PRKN: variants seen among roughly 807,000 people sequenced by gnomAD.
The protein encoded by PRKN is parkin RBR E3 ubiquitin protein ligase.
A neutral mutation model predicts 59.5 loss-of-function variants in PRKN; 56 were observed. The ratio of observed to expected loss-of-function variants is 0.94; its 90% CI spans 0.76 to 1.18. The LOEUF (loss-of-function observed/expected upper bound fraction) is 1.18, where lower values mean the gene tolerates loss of function less well. Among genes scored for constraint, PRKN ranks in the 50% most tolerant of loss-of-function variants. The pLI is 0.00. For missense variants in PRKN, 657 were observed against 596.4 expected, an observed-to-expected ratio of 1.10 and a Z score of -1.06; for synonymous variants, 250 against 222.1, an observed-to-expected ratio of 1.13 and a Z score of -1.12.
intron 4 of PRKN, among the ~76,000 whole-genome samples, chr6:162,195,710 C>T (rs1562572783): frequency 6.6e-6 from 1 of 152,036 alleles, no homozygotes; most frequent in South Asian, 2.1e-4. Flanking sequence ...GAGGGGGTCA[C>T]CCAAAGTTCT....
intron 4 of PRKN, among the ~76,000 whole-genome samples, chr6:162,176,587 A>C (rs1783548762): frequency 7.2e-6 from 1 of 138,474 alleles, no homozygotes; most frequent in Admixed American, 7.7e-5. Flanking sequence ...GCCAATTAAA[A>C]GTTTTAAATG....
intron 1 of PRKN, among the ~76,000 whole-genome samples, chr6:162,626,466 C>T (rs1782899175): frequency 2.0e-5 from 3 of 152,102 alleles, no homozygotes; most frequent in Non-Finnish European, 2.9e-5. Flanking sequence ...ACTACTCTTA[C>T]ATTTCACAGA....
intron 2 of PRKN, among the ~76,000 whole-genome samples, chr6:162,354,511 A>G (rs184748923): frequency 5.7e-4 from 87 of 152,200 alleles, no homozygotes; most frequent in Non-Finnish European, 9.4e-4. Flanking sequence ...TTTAAAGTAT[A>G]CTTTAAAAAT....
intron 5 of PRKN, among the ~76,000 whole-genome samples, chr6:162,007,925 T>C (rs1039877659): frequency 3.3e-4 from 50 of 152,212 alleles, no homozygotes; most frequent in African/African-American, 1.1e-3. Context: ...TGAAAAGCTT[T>C]CATATTCAAC....
intron 4 of PRKN, among the ~76,000 whole-genome samples, chr6:162,054,726 T>C (rs1184224125): frequency 6.6e-6 from 1 of 152,170 alleles, no homozygotes; most frequent in Non-Finnish European, 1.5e-5. Flanking sequence ...GAAATAAAAA[T>C]TCAATAAAAG....
chr6:161,729,242 A>G (rs1787575757), intron 7 of PRKN, among the ~76,000 whole-genome samples: 1 of 152,318 alleles, frequency 6.6e-6, no homozygotes, highest in South Asian at 2.1e-4. Flanking sequence ...TAGACACTTC[A>G]ACTCTAATAA....
At chr6:161,846,026 G>A (rs143422179) in intron 6 of PRKN, among the ~76,000 whole-genome samples, 3 of 152,252 alleles carry the variant, frequency 2.0e-5, no homozygotes, top group African/African-American at 7.2e-5. Context: ...GTCTTTTGTT[G>A]CATCTTGCTG....
At chr6:161,609,080 G>A (rs1379489151) in intron 7 of PRKN, among the ~76,000 whole-genome samples, 1 of 152,136 alleles carries the variant, frequency 6.6e-6, no homozygotes, top group Non-Finnish European at 1.5e-5. Flanking sequence ...TGCTTGTTGA[G>A]AGCATGGTAT....
chr6:161,555,809 A>C (rs1780216323), intron 8 of PRKN, among the ~76,000 whole-genome samples: 1 of 152,224 alleles, frequency 6.6e-6, no homozygotes, highest in South Asian at 2.1e-4. Flanking sequence ...TGGACAGTAA[A>C]TAATTATAAA....
At chr6:161,416,611 C>G (rs1003227392) in intron 9 of PRKN, among the ~76,000 whole-genome samples, 1 of 152,146 alleles carries the variant, frequency 6.6e-6, no homozygotes, top group African/African-American at 2.4e-5. Flanking sequence ...TGACCCCCGA[C>G]CAGCCTCATC....
rs57908717 is a variant in PRKN at position 161,550,738 on chromosome 6, C to CGTGTGTGT, written c.934-1743_934-1736dup. Reference sequence around the variant, plus strand: ...AAGAAAGGGTATGTGTGTGTGTGCACGTGTGTGTGTGTGTGTGTGTGTGTA... The same window carrying CGTGTGTGT: ...AAGAAAGGGTATGTGTGTGTGTGCACGTGTGTGTGTGTGTGTGTGTGTGTGTGTGTGTA... On this transcript the variant is annotated intron_variant, in intron 8 of 11. Coordinates refer to ENST00000366898, the MANE Select transcript of PRKN (RefSeq NM_004562.3). The surrounding 1 kb of genome is among the most constrained non-coding windows in gnomAD (Gnocchi z 4.0). 0.024 allele frequency among the ~76,000 whole-genome samples: 3,527 copies of CGTGTGTGT among 146,284 alleles called. 143 individuals carry two copies. Among genetic ancestry groups the CGTGTGTGT allele is most frequent in the African/African-American group, 0.083 (3,206 of 38,736 alleles).
rs1294714815 is a variant in PRKN at position 161,378,771 on chromosome 6, G to C, written c.1167+8023C>G. On this transcript the variant is annotated intron_variant, in intron 10 of 11. Transcript: ENST00000366898. This position sits in a 1 kb window ranked among gnomAD's most constrained non-coding sequence, Gnocchi z 7.3. ...TGTGATGTGGGCGCTATCCTCTAAG[G>C]TGAGATTTACACTCTGAATCAACAA... Among the ~76,000 whole-genome samples, 1 of 152,146 alleles carries C rather than the reference G, an allele frequency of 6.6e-6. No homozygotes were observed. Among genetic ancestry groups the C allele is most frequent in the African/African-American group, 2.4e-5 (1 of 41,434 alleles).
chr6:161,492,105 G>A (rs983566052), intron 9 of PRKN, among the ~76,000 whole-genome samples: 8 of 152,036 alleles, frequency 5.3e-5, no homozygotes, highest in African/African-American at 1.9e-4. Flanking sequence ...TCGTTGTTGA[G>A]AACCAAATTA....
At chr6:161,762,784 AG>A (rs1789254886) in intron 7 of PRKN, among the ~76,000 whole-genome samples, 1 of 152,214 alleles carries the variant, frequency 6.6e-6, no homozygotes, top group African/African-American at 2.4e-5. Flanking sequence ...GCTACATTCT[AG>A]GCCACCATTG....
intron 6 of PRKN, among the ~76,000 whole-genome samples, chr6:161,886,672 G>C (rs1292612954): frequency 6.6e-6 from 1 of 150,456 alleles, no homozygotes; most frequent in Non-Finnish European, 1.5e-5. Context: ...ACTCTAGCCT[G>C]GGCAACAAGA....
intron 5 of PRKN, among the ~76,000 whole-genome samples, chr6:162,039,157 CAAA>C (rs1404634739): frequency 1.1e-5 from 1 of 89,630 alleles, no homozygotes. Context: ...CTCCATCTCA[CAAA>C]AAAAAAAAAA....
intron 2 of PRKN, among the ~76,000 whole-genome samples, chr6:162,308,976 T>TA (rs1320287145): frequency 6.6e-6 from 1 of 151,892 alleles, no homozygotes; most frequent in South Asian, 2.1e-4. Context: ...GAAATAAACA[T>TA]AAAAAAATGG....
chr6:162,510,928 C>A (rs879818149), intron 1 of PRKN, among the ~76,000 whole-genome samples: 85 of 149,324 alleles, frequency 5.7e-4, no homozygotes, highest in Admixed American at 3.9e-3. Context: ...GTCTCAAAAA[C>A]AAACAAACAA....
At chr6:162,284,981 G>T (rs2128107466) in intron 2 of PRKN, among the ~76,000 whole-genome samples, 1 of 152,146 alleles carries the variant, frequency 6.6e-6, no homozygotes, top group Admixed American at 6.5e-5. Flanking sequence ...TAACATGAAT[G>T]GAATCCTTTT....
Sources: allele counts gnomAD v4.1 joint callset (sites outside exome capture counted in the v4.1 genomes callset), GRCh38; gene constraint gnomAD v4.1.1; non-coding constraint Gnocchi (gnomAD v3.1); transcripts MANE v1.5; gene names NCBI Gene and HGNC (gene_info 2026-07-23, HGNC 2026-07-21).